The following EPHB1 variants were observed in gnomAD, a reference collection of about 807,000 sequenced individuals.
The protein encoded by EPHB1 is ephrin type-B receptor 1.
Under a neutral mutation model 94.4 loss-of-function variants are expected in EPHB1, and 30 were observed. The observed-to-expected ratio is 0.32, with a 90% CI of 0.24 to 0.43. EPHB1 has a LOEUF of 0.43. EPHB1 is among the 20% of genes least tolerant of loss of function. EPHB1 has a pLI of 1.00. For missense variants in EPHB1, 1,055 were observed against 1,308.3 expected (o/e 0.81, Z 2.99); for synonymous variants, 522 against 489.1 (o/e 1.07, Z -0.89).
intron 3 of EPHB1, among the ~76,000 whole-genome samples, chr3:135,053,023 GTGTGTATATATATATATA>G (rs768193306): frequency 5.8e-5 from 4 of 68,580 alleles, no homozygotes; most frequent in Non-Finnish European, 1.1e-4. Flanking sequence ...ATGTGTGTGT[GTGTGTATATATATATATA>G]TATATATATA....
intron 12 of EPHB1, among the ~76,000 whole-genome samples, chr3:135,225,067 A>T (rs1020368129): frequency 6.6e-6 from 1 of 152,110 alleles, no homozygotes; most frequent in African/African-American, 2.4e-5. Context: ...GGAAGCAGAC[A>T]AGCTCCTCTC....
chr3:135,067,545 C>T (rs951228316), intron 3 of EPHB1: 1 of 152,252 alleles, frequency 6.6e-6, no homozygotes, highest in Admixed American at 6.5e-5. Context: ...CCCACCATCC[C>T]CCTCTAACAG....
intron 1 of EPHB1, among the ~76,000 whole-genome samples, chr3:134,891,227 A>G (rs9846488): frequency 6.6e-6 from 1 of 152,016 alleles, no homozygotes; most frequent in South Asian, 2.1e-4. Flanking sequence ...CTCCTACCTC[A>G]GTCTCCAGAG....
intron 3 of EPHB1, chr3:134,978,130 C>A: frequency 2.6e-6 from 1 of 387,546 alleles, no homozygotes; most frequent in Non-Finnish European, 5.1e-6. Flanking sequence ...TCCCTTTCTC[C>A]CCTCAGAAGC....
At chr3:134,868,467 GA>G (rs910057516) in intron 1 of EPHB1, among the ~76,000 whole-genome samples, 2 of 152,166 alleles carry the variant, frequency 1.3e-5, no homozygotes, top group Non-Finnish European at 2.9e-5. Flanking sequence ...TTCCAAGAAG[GA>G]AAATTGATTT....
chr3:135,016,673 G>C (rs1346226593), intron 3 of EPHB1, among the ~76,000 whole-genome samples: 8 of 152,196 alleles, frequency 5.3e-5, no homozygotes, highest in African/African-American at 1.7e-4. Context: ...CCCTGGCCAG[G>C]GTCTGGCTGG....
At chr3:134,866,457 C>T (rs920500760) in intron 1 of EPHB1, among the ~76,000 whole-genome samples, 14 of 152,154 alleles carry the variant, frequency 9.2e-5, no homozygotes, top group African/African-American at 3.1e-4. Flanking sequence ...TGCCCAGTAC[C>T]TGCTGCCTGC....
At chr3:135,255,136 A>G (rs1197301237) in intron 15 of EPHB1, among the ~76,000 whole-genome samples, 1 of 151,536 alleles carries the variant, frequency 6.6e-6, no homozygotes, top group Non-Finnish European at 1.5e-5. Context: ...GCGGTCTATC[A>G]ATTTTGTTGA....
intron 1 of EPHB1, among the ~76,000 whole-genome samples, chr3:134,890,054 C>T (rs1417910684): frequency 3.3e-5 from 5 of 152,208 alleles, no homozygotes; most frequent in Non-Finnish European, 7.3e-5. Context: ...CTACCTACCA[C>T]CCAGATTCTG....
intron 3 of EPHB1, among the ~76,000 whole-genome samples, chr3:135,054,733 G>A (rs1220613975): frequency 6.6e-6 from 1 of 152,128 alleles, no homozygotes; most frequent in African/African-American, 2.4e-5. Flanking sequence ...ACACAACACA[G>A]TTTCCACAAA....
rs559789284 is a variant in EPHB1, at chr3:135,023,565, T to A, written c.805+71513T>A. 2.6e-5 allele frequency among the ~76,000 whole-genome samples: 4 copies of A among 152,304 alleles called. No individual in the cohort carries two copies. The South Asian group carries it at 8.3e-4, about 32-fold the overall frequency. Reference sequence around the variant, plus strand: ...AATAGAAGGTGGCCTGACTTGTATTTTTTTATTTAGAACTTAGGGGCAGAA... The same window carrying A: ...AATAGAAGGTGGCCTGACTTGTATTATTTTATTTAGAACTTAGGGGCAGAA... On this transcript the variant is annotated intron_variant, in intron 3 of 15. Transcript: ENST00000398015.
intron 1 of EPHB1, among the ~76,000 whole-genome samples, chr3:134,906,757 C>A (rs972755054): frequency 3.9e-5 from 6 of 152,202 alleles, no homozygotes; most frequent in Non-Finnish European, 5.9e-5. Flanking sequence ...CAGTGGTAAA[C>A]CAAGGCCCTC....
chr3:134,980,366 T>C (rs1576291443), intron 3 of EPHB1, among the ~76,000 whole-genome samples: 1 of 152,236 alleles, frequency 6.6e-6, no homozygotes, highest in Non-Finnish European at 1.5e-5. Flanking sequence ...TATGACTCAG[T>C]CTCAGAAATC....
Position 135,249,337 on chromosome 3 carries a change from C to T in EPHB1, c.2692C>T (p.Pro898Ser), listed in dbSNP as rs2107731832. The change falls in exon 15 of 16, where the codon CCT becomes TCT. Residue 898 changes from proline to serine, a missense_variant and splice_region_variant. Coordinates refer to ENST00000398015, the MANE Select transcript of EPHB1 (RefSeq NM_004441.5). ...LKTVATITAV[P>S]SQPLLDRSIP... is the part of the protein sequence containing the mutation. ...ACCTGCCCATCTCTGTCTCACCAGG[C>T]CTTCCCAGCCCCTGCTCGACCGCTC... The T allele has an allele frequency of 6.2e-7, 1 of 1,610,218 alleles. No homozygotes were observed. Among genetic ancestry groups the T allele is most frequent in the South Asian group, 1.1e-5 (1 of 90,420 alleles).
chr3:135,070,815 TA>T (rs1937681082), intron 3 of EPHB1, among the ~76,000 whole-genome samples: 1 of 152,176 alleles, frequency 6.6e-6, no homozygotes, highest in Admixed American at 6.6e-5. Context: ...TGTTGAGAGT[TA>T]TGTGATGGAT....
At chr3:134,871,457 G>T (rs1231382150) in intron 1 of EPHB1, among the ~76,000 whole-genome samples, 1 of 152,168 alleles carries the variant, frequency 6.6e-6, no homozygotes, top group Non-Finnish European at 1.5e-5. Flanking sequence ...GGAGCTCCCA[G>T]CGGCTGGCTC....
intron 1 of EPHB1, among the ~76,000 whole-genome samples, chr3:134,874,666 G>A (rs375509742): frequency 7.9e-5 from 12 of 152,264 alleles, no homozygotes; most frequent in African/African-American, 2.4e-4. Context: ...CTGGATGACC[G>A]GCAAGACTCC....
rs55947191 is a variant in EPHB1, at chr3:135,208,290, CGTGTGTGTGTGTGTGTGTGTGT to C, written c.2346+6630_2346+6651del. ...TAGAGCAATGGGAAACCTTTCATGA[CGTGTGTGTGTGTGTGTGTGTGT>C]GTGTGTGTGTGTGTGTGTGTGTGTG... is the stretch of plus-strand genomic sequence containing the variant. On this transcript the variant is annotated intron_variant, in intron 12 of 15. Coordinates refer to ENST00000398015, the MANE Select transcript of EPHB1 (RefSeq NM_004441.5). Among the ~76,000 whole-genome samples the C allele has an allele frequency of 1.3e-3, 189 of 142,782 alleles. 3 individuals are homozygous for C. The East Asian group carries it at 0.034, about 25-fold the overall frequency. 93.7% of individuals were successfully genotyped at this position (142,782 alleles called of 152,430 possible).
chr3:134,826,074 T>C (rs1407917728), intron 1 of EPHB1, among the ~76,000 whole-genome samples: 1 of 126,342 alleles, frequency 7.9e-6, no homozygotes, highest in African/African-American at 3.8e-5. Flanking sequence ...ACCCCGTCTC[T>C]ACTAAAAATA....
Sources: allele counts gnomAD v4.1 joint callset (sites outside exome capture counted in the v4.1 genomes callset), GRCh38; gene constraint gnomAD v4.1.1; transcripts MANE v1.5; gene names NCBI Gene and HGNC (gene_info 2026-07-23, HGNC 2026-07-21).